RSPO2: variants seen among roughly 807,000 people sequenced by gnomAD.
The protein encoded by RSPO2 is R-spondin-2.
RSPO2 carries 14 observed loss-of-function variants against 30.9 expected under a neutral mutation model. The ratio of observed to expected loss-of-function variants is 0.45; its 90% CI spans 0.30 to 0.71. The LOEUF is 0.71. RSPO2 is among the 30% of genes least tolerant of loss of function. The pLI is 0.08. For missense variants in RSPO2, 264 were observed against 301.9 expected, an observed-to-expected ratio of 0.87 and a Z score of 0.93; for synonymous variants, 107 against 96.4, an observed-to-expected ratio of 1.11 and a Z score of -0.64.
At chr8:107,952,005 C>T (rs1427237090) in intron 5 of RSPO2, among the ~76,000 whole-genome samples, 1 of 152,028 alleles carries the variant, frequency 6.6e-6, no homozygotes, top group African/African-American at 2.4e-5. Flanking sequence ...AAACTACCAC[C>T]ACCATCACCA....
chr8:107,954,118 T>G (rs11777716), intron 5 of RSPO2, among the ~76,000 whole-genome samples: 4,541 of 152,244 alleles, frequency 0.03, 124 homozygotes, highest in Non-Finnish European at 0.052. Flanking sequence ...TGATGGGGCT[T>G]GACAAAGAAA....
intron 5 of RSPO2, among the ~76,000 whole-genome samples, chr8:107,927,323 A>T (rs1210042932): frequency 5.3e-5 from 8 of 152,188 alleles, no homozygotes; most frequent in African/African-American, 1.9e-4. Context: ...TTCTAGATAT[A>T]CAATCATGTC....
At chr8:107,903,631 A>T (rs1811546994) in intron 5 of RSPO2, among the ~76,000 whole-genome samples, 1 of 152,120 alleles carries the variant, frequency 6.6e-6, no homozygotes, top group South Asian at 2.1e-4. Context: ...TATGTAAAAT[A>T]ATTTTTTAAC....
chr8:107,900,091 C>T lies in RSPO2; in HGVS notation c.*984G>A, dbSNP rs1464448711. ...TTCTGTAGCTGGCCTGTGAAACTGG[C>T]TACAAGTGACTGGATATAGTCCCTC... On this transcript the variant is annotated 3_prime_UTR_variant, in exon 6 of 6. Coordinates refer to ENST00000276659, the MANE Select transcript of RSPO2 (RefSeq NM_178565.5). 2.0e-5 allele frequency: 3 copies of T among 152,146 alleles called. No individual in the cohort carries two copies. The East Asian group carries it at 5.8e-4, about 29-fold the overall frequency. 9.4% of individuals were successfully genotyped at this position (152,146 alleles called of 1,614,324 possible). A position where few individuals can be genotyped will look rare whatever the true frequency, so the allele number is the denominator to read the frequency against.
Position 107,948,866 on chromosome 8 carries a change from A to AT in RSPO2, c.616+9213_616+9214insA, listed in dbSNP as rs55680371. Among the ~76,000 whole-genome samples, 1,205 of 145,884 alleles carry AT rather than the reference A, an allele frequency of 8.3e-3. 18 individuals carry two copies. Among genetic ancestry groups the AT allele is most frequent in the African/African-American group, 0.022 (894 of 39,918 alleles). ...CAGAGCAAGACTCCATCTCAAAAAA[A>AT]AAATAAATAAATAAATAAATAAAAA... On this transcript the variant is annotated intron_variant, in intron 5 of 5. Coordinates refer to ENST00000276659, the MANE Select transcript of RSPO2 (RefSeq NM_178565.5).
chr8:107,936,617 G>A (rs1221971767), intron 5 of RSPO2, among the ~76,000 whole-genome samples: 1 of 152,070 alleles, frequency 6.6e-6, no homozygotes, highest in Admixed American at 6.6e-5. Context: ...ATCCTCACCA[G>A]CATCTGTTAT....
intron 3 of RSPO2, among the ~76,000 whole-genome samples, chr8:107,973,793 T>C (rs1198471352): frequency 6.6e-6 from 1 of 152,184 alleles, no homozygotes; most frequent in Non-Finnish European, 1.5e-5. Context: ...TCCCCCCATC[T>C]TCTTCCCTTC....
intron 2 of RSPO2, among the ~76,000 whole-genome samples, chr8:108,055,377 G>A (rs570372310): frequency 2.6e-5 from 4 of 152,196 alleles, no homozygotes; most frequent in South Asian, 2.1e-4. Context: ...CAGGCTAGGC[G>A]AGGAGTTTGT....
At chr8:107,961,512 T>C (rs1226572613) in intron 3 of RSPO2, among the ~76,000 whole-genome samples, 1 of 152,262 alleles carries the variant, frequency 6.6e-6, no homozygotes, top group East Asian at 1.9e-4. Flanking sequence ...ACCAAAACCA[T>C]CTGCCTTTTA....
At chr8:107,932,214 A>C (rs886234567) in intron 5 of RSPO2, among the ~76,000 whole-genome samples, 17 of 152,174 alleles carry the variant, frequency 1.1e-4, no homozygotes, top group African/African-American at 3.9e-4. Flanking sequence ...AAAGAGAGGA[A>C]AGAGTAGAGC....
intron 2 of RSPO2, among the ~76,000 whole-genome samples, chr8:108,003,014 T>A (rs1211853619): frequency 1.3e-5 from 2 of 151,586 alleles, no homozygotes; most frequent in Non-Finnish European, 2.9e-5. Flanking sequence ...GAATGATTAC[T>A]GAATCTCCAG....
intron 2 of RSPO2, among the ~76,000 whole-genome samples, chr8:108,074,259 C>A (rs1163628640): frequency 6.6e-6 from 1 of 152,080 alleles, no homozygotes; most frequent in Non-Finnish European, 1.5e-5. Context: ...CTCCAAATGA[C>A]TAGATGAGAA....
At chr8:108,018,400 T>C (rs1407061857) in intron 2 of RSPO2, among the ~76,000 whole-genome samples, 1 of 152,120 alleles carries the variant, frequency 6.6e-6, no homozygotes, top group Non-Finnish European at 1.5e-5. Flanking sequence ...CTTCCTTAGG[T>C]CAACACAGGA....
chr8:108,012,085 C>T (rs780577809), intron 2 of RSPO2, among the ~76,000 whole-genome samples: 3 of 152,144 alleles, frequency 2.0e-5, no homozygotes. Flanking sequence ...AATTCAACAT[C>T]CAAATAACTA....
chr8:107,913,131 A>G (rs982870092), intron 5 of RSPO2, among the ~76,000 whole-genome samples: 28 of 152,304 alleles, frequency 1.8e-4, no homozygotes, highest in African/African-American at 6.7e-4. Context: ...CAGAGAGGTA[A>G]AGTAAACCTA....
chr8:108,036,599 A>T lies in RSPO2; in HGVS notation c.94+45946T>A, dbSNP rs577793026. Among the ~76,000 whole-genome samples the T allele has an allele frequency of 2.6e-5, 4 of 152,302 alleles. No individual in the cohort carries two copies. In the South Asian group the frequency reaches 8.3e-4, roughly 32 times the overall value. ...TCCCACAAGTTTGAACATTCCCAAA[A>T]CAAAGACCACGTGTTACAAAAATAT... On this transcript the variant is annotated intron_variant, in intron 2 of 5. Coordinates refer to ENST00000276659, the MANE Select transcript of RSPO2 (RefSeq NM_178565.5).
chr8:108,079,401 G>T (rs1427905397), intron 2 of RSPO2, among the ~76,000 whole-genome samples: 2 of 152,090 alleles, frequency 1.3e-5, no homozygotes. Context: ...TGTTCGTGAT[G>T]ATCTCCCCCA....
At chr8:108,023,260 A>C (rs1201504300) in intron 2 of RSPO2, among the ~76,000 whole-genome samples, 2 of 152,148 alleles carry the variant, frequency 1.3e-5, no homozygotes, top group Non-Finnish European at 2.9e-5. Context: ...ACTTTAAGCA[A>C]ATTCAGGAAA....
intron 2 of RSPO2, among the ~76,000 whole-genome samples, chr8:108,023,070 A>G (rs1433003710): frequency 6.6e-6 from 1 of 152,184 alleles, no homozygotes; most frequent in Admixed American, 6.5e-5. Context: ...TGTAACTAAA[A>G]TAAGAATGAA....
Sources: allele counts gnomAD v4.1 joint callset (sites outside exome capture counted in the v4.1 genomes callset), GRCh38; gene constraint gnomAD v4.1.1; transcripts MANE v1.5; gene names NCBI Gene and HGNC (gene_info 2026-07-23, HGNC 2026-07-21).